The following DLGAP1 variants were observed in gnomAD, a reference collection of about 807,000 sequenced individuals.
DLGAP1 encodes the protein disks large-associated protein 1.
In DLGAP1, 11 loss-of-function variants were observed where a neutral mutation model predicts 90.8. The observed-to-expected ratio is 0.12, with a 90% CI of 0.08 to 0.20. The LOEUF (loss-of-function observed/expected upper bound fraction) is 0.20, where lower values mean the gene tolerates loss of function less well. DLGAP1 is among the 10% of genes least tolerant of loss of function. The pLI, the probability that DLGAP1 is intolerant of heterozygous loss-of-function variation, is 1.00. For synonymous variants in DLGAP1, 558 were observed against 540.7 expected (o/e 1.03, Z -0.44); for missense variants, 1,050 against 1,333.8 (o/e 0.79, Z 3.31).
chr18:3,996,279 T>C (rs1225387246), intron 3 of DLGAP1, among the ~76,000 whole-genome samples: 1 of 152,086 alleles, frequency 6.6e-6, no homozygotes, highest in Non-Finnish European at 1.5e-5. Flanking sequence ...AACAAAGGCT[T>C]TCTACTTGAA....
chr18:4,311,392 T>C (rs1023010887), intron 1 of DLGAP1, among the ~76,000 whole-genome samples: 1 of 152,222 alleles, frequency 6.6e-6, no homozygotes, highest in Non-Finnish European at 1.5e-5. Context: ...ATTTAGATAA[T>C]AAGCTCAAAG....
intron 5 of DLGAP1, among the ~76,000 whole-genome samples, chr18:3,801,142 G>A (rs1454533708): frequency 6.6e-6 from 1 of 152,074 alleles, no homozygotes; most frequent in Non-Finnish European, 1.5e-5. Context: ...GAACCCAGTC[G>A]TGTTGATGAG....
intron 9 of DLGAP1, among the ~76,000 whole-genome samples, chr18:3,559,018 T>C (rs1599233161): frequency 6.6e-6 from 1 of 152,320 alleles, no homozygotes; most frequent in East Asian, 1.9e-4. Context: ...TCATCCTATT[T>C]ATAGCATTCT....
At chr18:4,213,366 C>T (rs2077886876) in intron 1 of DLGAP1, among the ~76,000 whole-genome samples, 1 of 152,040 alleles carries the variant, frequency 6.6e-6, no homozygotes, top group Non-Finnish European at 1.5e-5. Context: ...CCAAGTTGAC[C>T]CCTGAAGTAA....
chr18:4,075,532 T>C (rs1362517480), intron 2 of DLGAP1, among the ~76,000 whole-genome samples: 2 of 152,208 alleles, frequency 1.3e-5, no homozygotes, highest in African/African-American at 4.8e-5. Flanking sequence ...AAAATGTGGT[T>C]GGGTCCCAAT....
Position 4,084,842 on chromosome 18 carries a change from C to G in DLGAP1, c.-159+66338G>C, listed in dbSNP as rs960418523. ...TGTCAGTTTGATTTTTAGACCCAGC[C>G]AAGGGACCCTAGGAAGAGTGAAGGA... On this transcript the variant is annotated intron_variant, in intron 2 of 12. Transcript: ENST00000315677. This position sits in a 1 kb window ranked among gnomAD's most constrained non-coding sequence, Gnocchi z 4.0. Among the ~76,000 whole-genome samples the G allele has an allele frequency of 6.6e-6, 1 of 152,114 alleles. No homozygotes were observed. Among genetic ancestry groups the G allele is most frequent in the African/African-American group, 2.4e-5 (1 of 41,424 alleles).
intron 2 of DLGAP1, among the ~76,000 whole-genome samples, chr18:4,082,271 G>A (rs544529026): frequency 4.7e-4 from 71 of 150,874 alleles, no homozygotes; most frequent in Non-Finnish European, 4.0e-4. Context: ...GAACCTGGGA[G>A]GGGGAGGTTG....
chr18:4,430,144 A>T (rs1409977658), intron 1 of DLGAP1, among the ~76,000 whole-genome samples: 1 of 152,172 alleles, frequency 6.6e-6, no homozygotes, highest in Non-Finnish European at 1.5e-5. Flanking sequence ...CAGAGAGCAC[A>T]TGGGGTATTT....
intron 1 of DLGAP1, among the ~76,000 whole-genome samples, chr18:4,296,831 G>A (rs1420177572): frequency 6.6e-6 from 1 of 152,148 alleles, no homozygotes; most frequent in African/African-American, 2.4e-5. Context: ...AGACAGAGCG[G>A]GTGGCATCTG....
chr18:3,848,313 GAGA>G (rs2069140484), intron 4 of DLGAP1, among the ~76,000 whole-genome samples: 2 of 151,994 alleles, frequency 1.3e-5, no homozygotes, highest in Admixed American at 6.5e-5. Flanking sequence ...GAGGAGGGAG[GAGA>G]AGGACAAATA....
At chr18:3,802,978 C>T (rs1386672820) in intron 5 of DLGAP1, among the ~76,000 whole-genome samples, 5 of 152,186 alleles carry the variant, frequency 3.3e-5, no homozygotes, top group Admixed American at 3.3e-4. Flanking sequence ...TTCATTCTCT[C>T]TCTGAAGAAA....
chr18:3,524,432 C>T (rs942952495), intron 10 of DLGAP1, among the ~76,000 whole-genome samples: 5 of 151,914 alleles, frequency 3.3e-5, no homozygotes, highest in Admixed American at 6.6e-5. Context: ...TGTATTAGGG[C>T]GTCTTGTGGA....
At chr18:3,772,429 TCCTCCCTC>T (rs1187088283) in intron 5 of DLGAP1, among the ~76,000 whole-genome samples, 2 of 83,542 alleles carry the variant, frequency 2.4e-5, no homozygotes, top group Non-Finnish European at 4.9e-5. Flanking sequence ...TTTCCTTCCT[TCCTCCCTC>T]CCTCCCTCCC....
At chr18:3,646,991 G>A (rs1163416883) in intron 7 of DLGAP1, among the ~76,000 whole-genome samples, 1 of 152,056 alleles carries the variant, frequency 6.6e-6, no homozygotes, top group African/African-American at 2.4e-5. Context: ...GCTCACGCCT[G>A]TAATCTCAGC....
intron 2 of DLGAP1, among the ~76,000 whole-genome samples, chr18:4,106,581 G>T (rs1378272109): frequency 6.6e-6 from 1 of 152,176 alleles, no homozygotes; most frequent in African/African-American, 2.4e-5. Context: ...TGCAACTCAC[G>T]AAGTGCCAGT....
At chr18:3,708,742 T>C (rs1009364753) in intron 7 of DLGAP1, among the ~76,000 whole-genome samples, 3 of 152,212 alleles carry the variant, frequency 2.0e-5, no homozygotes, top group Admixed American at 6.5e-5. Flanking sequence ...AGGACCTGAA[T>C]TAGCTTTTTC....
intron 1 of DLGAP1, among the ~76,000 whole-genome samples, chr18:4,324,218 T>G (rs1372284983): frequency 6.7e-6 from 1 of 150,354 alleles, no homozygotes; most frequent in Non-Finnish European, 1.5e-5. Flanking sequence ...CAACCAACAA[T>G]CAGAGACTAC....
intron 5 of DLGAP1, among the ~76,000 whole-genome samples, chr18:3,770,506 G>T (rs1249713241): frequency 6.6e-6 from 1 of 152,142 alleles, no homozygotes; most frequent in Non-Finnish European, 1.5e-5. Context: ...ACATTTTGAT[G>T]TGCCATGAAA....
intron 1 of DLGAP1, among the ~76,000 whole-genome samples, chr18:4,384,413 G>A (rs2082190383): frequency 6.6e-6 from 1 of 152,132 alleles, no homozygotes; most frequent in Non-Finnish European, 1.5e-5. Context: ...TTGTGTTCAT[G>A]TGGAACCATC....
Sources: gnomAD v4.1 joint callset for allele counts (sites outside exome capture counted in the v4.1 genomes callset) on GRCh38, gnomAD v4.1.1 for gene constraint, Gnocchi (gnomAD v3.1) non-coding constraint, MANE v1.5 for transcripts, NCBI Gene and HGNC (gene_info 2026-07-23, HGNC 2026-07-21) for gene names.